Variants in CENPC observed in about 807,000 individuals in gnomAD.
CENPC encodes the protein centromere protein C, also known as CENP-C 1.
Under a neutral mutation model 112.1 loss-of-function variants are expected in CENPC, and 63 were observed. The observed-to-expected ratio is 0.56, with a 90% CI of 0.46 to 0.69. The LOEUF is 0.69. Ranked by LOEUF, CENPC falls within the 30% of genes least tolerant of loss-of-function variation. CENPC has a pLI of 0.00. For missense variants in CENPC, 1,000 were observed against 1,103.8 expected, an observed-to-expected ratio of 0.91 and a Z score of 1.33; for synonymous variants, 333 against 367.6, an observed-to-expected ratio of 0.91 and a Z score of 1.08.
chr4:67,515,197 G>A (rs1206692093), intron 7 of CENPC, among the ~76,000 whole-genome samples: 1 of 150,148 alleles, frequency 6.7e-6, no homozygotes, highest in Non-Finnish European at 1.5e-5. Context: ...CGGATGTGGT[G>A]GCTCACGCCT....
Position 67,538,314 on chromosome 4 carries a change from T to C in CENPC, c.231+1526A>G, listed in dbSNP as rs72915791. ...TTATATTCCCAACATGCTTTCTTCTTTGGCCTAAAGTCATTTAGAAGTCAT... is the reference window on the plus strand; with the variant it reads ...TTATATTCCCAACATGCTTTCTTCTCTGGCCTAAAGTCATTTAGAAGTCAT... On this transcript the variant is annotated intron_variant, in intron 4 of 18. Coordinates refer to ENST00000273853, the MANE Select transcript of CENPC (RefSeq NM_001812.4). Among the ~76,000 whole-genome samples the C allele has an allele frequency of 9.8e-3, 1,489 of 152,320 alleles. 27 individuals are homozygous for C. Among genetic ancestry groups the C allele is most frequent in the African/African-American group, 0.034 (1,427 of 41,564 alleles).
At chr4:67,515,334 C>T (rs1314584530) in intron 7 of CENPC, among the ~76,000 whole-genome samples, 9 of 151,750 alleles carry the variant, frequency 5.9e-5, no homozygotes, top group South Asian at 2.1e-4. Context: ...GGCATGATGG[C>T]GGGTGCCTGT....
chr4:67,543,576 G>A (rs1726947361), intron 2 of CENPC, among the ~76,000 whole-genome samples: 1 of 152,120 alleles, frequency 6.6e-6, no homozygotes, highest in Non-Finnish European at 1.5e-5. Context: ...TTTCCCAACA[G>A]AAATCTAAGC....
chr4:67,545,235 G>T lies in CENPC; in HGVS notation c.18+103C>A, dbSNP rs979606470. ...GCGGCTTTCCCACTGAAATCCCTCA[G>T]AGATCACAGCCTCAGCCTAGCATTT... is the stretch of plus-strand genomic sequence containing the variant. On this transcript the variant is annotated intron_variant, in intron 1 of 18. Transcript: ENST00000273853. 1.0e-5 allele frequency: 12 copies of T among 1,175,060 alleles called. No homozygotes were observed. The Admixed American group carries it at 1.5e-4, about 14-fold the overall frequency. 72.8% of individuals were successfully genotyped at this position (1,175,060 alleles called of 1,614,324 possible). A position where few individuals can be genotyped will look rare whatever the true frequency, so the allele number is the denominator to read the frequency against.
rs71219046 is a variant in CENPC at position 67,491,480 on chromosome 4, T to TAGAGAGAG, written c.2515+692_2515+699dup. ...ATATATATATATATATATATATATA[T>TAGAGAGAG]AGAGAGAGAGAGAGAGAGAGAGAGA... On this transcript the variant is annotated intron_variant, in intron 16 of 18. Transcript: ENST00000273853. 3.2e-3 allele frequency among the ~76,000 whole-genome samples: 58 copies of TAGAGAGAG among 18,102 alleles called. 4 individuals are homozygous for TAGAGAGAG. The highest frequency in any genetic ancestry group is 4.0e-3 in the Non-Finnish European group (38 of 9,604). 11.9% of individuals were successfully genotyped at this position (18,102 alleles called of 152,430 possible).
intron 17 of CENPC, among the ~76,000 whole-genome samples, chr4:67,479,417 G>T (rs1724894458): frequency 6.6e-6 from 1 of 152,074 alleles, no homozygotes; most frequent in South Asian, 2.1e-4. Flanking sequence ...ACTCCAAAAT[G>T]AACCCTCAAA....
intron 18 of CENPC, among the ~76,000 whole-genome samples, chr4:67,474,140 C>T (rs1312954356): frequency 1.3e-5 from 2 of 151,930 alleles, no homozygotes; most frequent in Non-Finnish European, 2.9e-5. Flanking sequence ...TCTCTGGTCA[C>T]TGCAAGCTCC....
intron 9 of CENPC, 171 bp downstream of exon 9, chr4:67,512,231 T>C (rs1725911129): frequency 1.8e-6 from 1 of 545,790 alleles, no homozygotes; most frequent in Middle Eastern, 4.7e-4. Flanking sequence ...AAATACTGTA[T>C]ATATTAACGC....
Position 67,518,008 on chromosome 4 carries a change from C to G in CENPC, c.830+148G>C, listed in dbSNP as rs952842682. 1.3e-5 allele frequency: 6 copies of G among 466,458 alleles called. 1 individual carries two copies. The highest frequency in any genetic ancestry group is 8.4e-5 in the Admixed American group (2 of 23,686). The allele number at this position is 466,458 out of a possible 1,614,324, so 28.9% of individuals were successfully genotyped here. A position where few individuals can be genotyped will look rare whatever the true frequency, so the allele number is the denominator to read the frequency against. ...GACTCACTGACTGGTAAAAAACCAT[C>G]TCTCCTTACAGGTCAGAAAAAATTT... On this transcript the variant is annotated intron_variant, in intron 7 of 18. Transcript: ENST00000273853.
At chr4:67,504,822 A>C (rs980349772) in intron 12 of CENPC, among the ~76,000 whole-genome samples, 1 of 152,108 alleles carries the variant, frequency 6.6e-6, no homozygotes, top group African/African-American at 2.4e-5. Flanking sequence ...ACTCCGTCTC[A>C]AACAAAAAAA....
At chr4:67,478,465 A>T (rs571184618) in intron 17 of CENPC, among the ~76,000 whole-genome samples, 4 of 152,302 alleles carry the variant, frequency 2.6e-5, no homozygotes, top group African/African-American at 9.6e-5. Flanking sequence ...TTCATAAATG[A>T]AAGAAAGATA....
chr4:67,490,394 G>A (rs1417876479), intron 16 of CENPC, among the ~76,000 whole-genome samples: 2 of 151,986 alleles, frequency 1.3e-5, no homozygotes, highest in Admixed American at 6.5e-5. Context: ...TCATCTATTC[G>A]ATATTAATGA....
At chr4:67,517,667 A>G (rs1726097990) in intron 7 of CENPC, among the ~76,000 whole-genome samples, 1 of 151,742 alleles carries the variant, frequency 6.6e-6, no homozygotes. Context: ...GGGATATCCC[A>G]TCTCTACTAA....
In CENPC at chr4:67,530,976, T is replaced by C. The variant is rs375950472; in HGVS notation, c.232-62A>G. 11 of 798,242 alleles carry C rather than the reference T, an allele frequency of 1.4e-5. 1 individual carries two copies. Among genetic ancestry groups the C allele is most frequent in the Middle Eastern group, 2.3e-4 (1 of 4,268 alleles). 49.4% of individuals were successfully genotyped at this position (798,242 alleles called of 1,614,324 possible). A position where few individuals can be genotyped will look rare whatever the true frequency, so the allele number is the denominator to read the frequency against. On this transcript the variant is annotated intron_variant, in intron 4 of 18. Transcript: ENST00000273853. ...ATTAACTTACCAATTCAATGAAATA[T>C]ATTTGTTTTTTAAATGGGGGGAAAA...
chr4:67,521,590 G>A (rs192586345), intron 5 of CENPC, among the ~76,000 whole-genome samples: 34 of 152,260 alleles, frequency 2.2e-4, no homozygotes, highest in African/African-American at 8.2e-4. Context: ...TAGTGTGAAT[G>A]TAGAATGACA....
chr4:67,491,710 G>A (rs563167936), intron 16 of CENPC, among the ~76,000 whole-genome samples: 23 of 151,962 alleles, frequency 1.5e-4, no homozygotes, highest in African/African-American at 5.6e-4. Context: ...TGATGCCCTT[G>A]CTAGTCATCC....
At chr4:67,533,686 C>G (rs1054609294) in intron 4 of CENPC, among the ~76,000 whole-genome samples, 2 of 152,090 alleles carry the variant, frequency 1.3e-5, no homozygotes, top group African/African-American at 4.8e-5. Context: ...CAGAAGCAGA[C>G]AGATTACTGT....
intron 17 of CENPC, among the ~76,000 whole-genome samples, chr4:67,489,538 T>A (rs1725182899): frequency 6.6e-6 from 1 of 152,122 alleles, no homozygotes; most frequent in Non-Finnish European, 1.5e-5. Context: ...TGTCACATTT[T>A]AATACCTGTA....
intron 17 of CENPC, among the ~76,000 whole-genome samples, chr4:67,476,248 C>T (rs772941498): frequency 3.3e-5 from 5 of 152,194 alleles, no homozygotes; most frequent in Admixed American, 6.5e-5. Context: ...ACTGCAGGAA[C>T]ATACCAAGAA....
Sources: allele counts gnomAD v4.1 joint callset (sites outside exome capture counted in the v4.1 genomes callset), GRCh38; gene constraint gnomAD v4.1.1; transcripts MANE v1.5; gene names NCBI Gene and HGNC (gene_info 2026-07-23, HGNC 2026-07-21).